Variants in RIMS2 observed in about 807,000 individuals in gnomAD.
The protein encoded by RIMS2 is regulating synaptic membrane exocytosis protein 2.
Under a neutral mutation model 174.4 loss-of-function variants are expected in RIMS2, and 59 were observed. The ratio of observed to expected loss-of-function variants is 0.34; its 90% confidence interval spans 0.27 to 0.42. The LOEUF is 0.42. Ranked by LOEUF, RIMS2 falls within the 10% of genes least tolerant of loss-of-function variation. RIMS2 has a pLI of 1.00. For synonymous variants in RIMS2, 606 were observed against 572.5 expected, an observed-to-expected ratio of 1.06 and a Z score of -0.84; for missense variants, 1,620 against 1,666.3, an observed-to-expected ratio of 0.97 and a Z score of 0.48.
intron 6 of RIMS2, 130 bp from the exon 10 acceptor site, chr8:103,915,365 G>T (rs946645925): frequency 2.1e-6 from 1 of 485,026 alleles, no homozygotes; most frequent in Non-Finnish European, 3.7e-6. Flanking sequence ...AATTATTTAA[G>T]AAATCATTTT....
chr8:103,899,298 C>G (rs1175578533), intron 4 of RIMS2, among the ~76,000 whole-genome samples: 1 of 151,790 alleles, frequency 6.6e-6, no homozygotes, highest in Non-Finnish European at 1.5e-5. Context: ...AATCGCCACA[C>G]TGTCTTCCAC....
At chr8:104,141,624 T>G (rs1439054815) in intron 19 of RIMS2, among the ~76,000 whole-genome samples, 2 of 152,360 alleles carry the variant, frequency 1.3e-5, no homozygotes, top group South Asian at 2.1e-4. Flanking sequence ...GTGCAGGCCA[T>G]GCATTTGTCC....
chr8:104,242,079 T>C (rs2139894110), intron 19 of RIMS2, among the ~76,000 whole-genome samples: 1 of 152,204 alleles, frequency 6.6e-6, no homozygotes, highest in East Asian at 1.9e-4. Flanking sequence ...ATATAGTTAT[T>C]TGAGGACCAC....
At chr8:104,049,312 G>A (rs372168920) in intron 19 of RIMS2, among the ~76,000 whole-genome samples, 2 of 151,918 alleles carry the variant, frequency 1.3e-5, no homozygotes, top group African/African-American at 2.4e-5. Flanking sequence ...CCAGCTACTC[G>A]GGAGGCTGAG....
At chr8:103,708,724 T>C (rs1417925051) in intron 2 of RIMS2, among the ~76,000 whole-genome samples, 1 of 152,236 alleles carries the variant, frequency 6.6e-6, no homozygotes, top group Non-Finnish European at 1.5e-5. Flanking sequence ...GTAGCATTTT[T>C]CACTTGCTGC....
At chr8:103,590,252 A>G (rs931791380) in intron 1 of RIMS2, among the ~76,000 whole-genome samples, 1 of 151,446 alleles carries the variant, frequency 6.6e-6, no homozygotes, top group Non-Finnish European at 1.5e-5. Context: ...AAAAAAGAGA[A>G]AAACCTCAAC....
intron 19 of RIMS2, among the ~76,000 whole-genome samples, chr8:104,197,882 T>C (rs2099033449): frequency 6.6e-6 from 1 of 152,120 alleles, no homozygotes; most frequent in Non-Finnish European, 1.5e-5. Context: ...ATCACATTTT[T>C]TGTGTCCTCT....
At chr8:104,080,203 C>G (rs1416747833) in intron 19 of RIMS2, among the ~76,000 whole-genome samples, 1 of 151,908 alleles carries the variant, frequency 6.6e-6, no homozygotes, top group Non-Finnish European at 1.5e-5. Flanking sequence ...TTTTTTCTAT[C>G]TACAAATTGA....
chr8:103,842,010 A>T (rs950441328), intron 3 of RIMS2, among the ~76,000 whole-genome samples: 2 of 152,170 alleles, frequency 1.3e-5, no homozygotes, highest in Non-Finnish European at 2.9e-5. Flanking sequence ...TATGTCTTAC[A>T]CTTATTCAGC....
chr8:103,904,841 T>C (rs1329380695), intron 4 of RIMS2, among the ~76,000 whole-genome samples: 2 of 152,048 alleles, frequency 1.3e-5, no homozygotes, highest in Non-Finnish European at 2.9e-5. Context: ...ACAGGTTATT[T>C]GAACTTTTTT....
At chr8:103,655,558 G>T (rs1286181509) in intron 1 of RIMS2, among the ~76,000 whole-genome samples, 5 of 152,006 alleles carry the variant, frequency 3.3e-5, no homozygotes, top group African/African-American at 1.2e-4. Context: ...GTTTTGCTAT[G>T]ATTAATAAAT....
At chr8:103,993,119 T>A (rs919530405) in intron 17 of RIMS2, among the ~76,000 whole-genome samples, 13 of 151,938 alleles carry the variant, frequency 8.6e-5, no homozygotes, top group East Asian at 5.8e-4. Flanking sequence ...CTCAAAAAAA[T>A]ATATATATAT....
At chr8:103,666,750 C>T (rs915889670) in intron 1 of RIMS2, among the ~76,000 whole-genome samples, 1 of 152,106 alleles carries the variant, frequency 6.6e-6, no homozygotes, top group South Asian at 2.1e-4. Context: ...AAAACAATGA[C>T]CTCCCATAAT....
chr8:103,886,341 T>C, intron 4 of RIMS2, 118 bp downstream of exon 7: 1 of 823,110 alleles, frequency 1.2e-6, no homozygotes, highest in Non-Finnish European at 1.8e-6. Context: ...TTAAAAGTCT[T>C]TTAATGGCAT....
intron 15 of RIMS2, among the ~76,000 whole-genome samples, chr8:103,967,124 GT>G (rs1415610342): frequency 2.3e-5 from 3 of 127,840 alleles, no homozygotes; most frequent in African/African-American, 9.1e-5. Context: ...GTGTTTTTGA[GT>G]TCACTTATCT....
intron 3 of RIMS2, chr8:103,768,146 T>C (rs1352614954): frequency 1.6e-5 from 5 of 313,164 alleles, no homozygotes; most frequent in Non-Finnish European, 3.1e-5. Flanking sequence ...ATGGCAGTTA[T>C]AATGGTCAAG....
exon 6 of RIMS2, chr8:103,912,074 T>C (rs1308336197): frequency 6.2e-7 from 1 of 1,600,866 alleles, no homozygotes; most frequent in Non-Finnish European, 8.5e-7. Context: ...CTGGCAACCA[T>C]CTAAAGATGG....
intron 16 of RIMS2, among the ~76,000 whole-genome samples, chr8:103,985,303 G>A (rs1488924422): frequency 4.0e-5 from 6 of 151,314 alleles, no homozygotes; most frequent in African/African-American, 1.2e-4. Flanking sequence ...GTGAAACCCC[G>A]TCTCTACTAA....
At chr8:103,937,798 G>A (rs1376963166) in intron 13 of RIMS2, among the ~76,000 whole-genome samples, 1 of 152,202 alleles carries the variant, frequency 6.6e-6, no homozygotes, top group East Asian at 1.9e-4. Context: ...ACCAGGGCAT[G>A]TCCCTTAATA....
Sources: gnomAD v4.1 joint callset for allele counts (sites outside exome capture counted in the v4.1 genomes callset) on GRCh38, gnomAD v4.1.1 for gene constraint, MANE v1.5 for transcripts, NCBI Gene and HGNC (gene_info 2026-07-23, HGNC 2026-07-21) for gene names.